Variants in RAB40C observed in about 807,000 individuals in gnomAD.
RAB40C encodes RAB40C, member RAS oncogene family.
RAB40C carries 8 observed loss-of-function variants against 28.1 expected under a neutral mutation model. That is an observed-to-expected ratio of 0.28 (90% CI 0.17 to 0.51). The LOEUF (loss-of-function observed/expected upper bound fraction) is 0.51, where lower values mean the gene tolerates loss of function less well. Ranked by LOEUF, RAB40C falls within the 20% of genes least tolerant of loss-of-function variation. The pLI is 0.97. For synonymous variants in RAB40C, 201 were observed against 171.7 expected, an observed-to-expected ratio of 1.17 and a Z score of -1.34; for missense variants, 288 against 405.9, an observed-to-expected ratio of 0.71 and a Z score of 2.50.
At chr16:625,194 A>C in intron 3 of RAB40C, 1 of 1,417,348 alleles carries the variant, frequency 7.1e-7, no homozygotes, top group Non-Finnish European at 9.3e-7. Context: ...GGGAAGCGGC[A>C]TTTCTGACAC....
chr16:610,222 C>T lies in RAB40C; in HGVS notation c.143-6986C>T, dbSNP rs954443963. ...GGTGTTCTGACCTCCCTGCCTCTGT[C>T]CCCTGAGGTCAGAGCGCCTGTCCTG... On this transcript the variant is annotated intron_variant, in intron 1 of 5. Coordinates refer to ENST00000248139, the MANE Select transcript of RAB40C (RefSeq NM_021168.5). The surrounding 1 kb of genome is among the most constrained non-coding windows in gnomAD (Gnocchi z 4.6). Among the ~76,000 whole-genome samples the T allele has an allele frequency of 6.6e-6, 1 of 152,158 alleles. No homozygotes were observed. The highest frequency in any genetic ancestry group is 2.4e-5 in the African/African-American group (1 of 41,440).
intron 1 of RAB40C, among the ~76,000 whole-genome samples, chr16:592,344 G>A (rs891703089): frequency 2.6e-5 from 4 of 152,214 alleles, no homozygotes; most frequent in Admixed American, 6.5e-5. Context: ...GAGGCTGAGC[G>A]CGCTTCCTCC....
At chr16:601,494 C>T (rs1036324101) in intron 1 of RAB40C, among the ~76,000 whole-genome samples, 13 of 152,152 alleles carry the variant, frequency 8.5e-5, no homozygotes, top group African/African-American at 2.6e-4. Context: ...TGCCAGACTC[C>T]GGGCAGGTCC....
intron 3 of RAB40C, among the ~76,000 whole-genome samples, chr16:621,459 CA>C (rs1397338636): frequency 6.6e-6 from 1 of 152,264 alleles, no homozygotes; most frequent in Non-Finnish European, 1.5e-5. Context: ...CTGGGTCTTG[CA>C]GATGGCACCA....
chr16:614,983 T>C (rs2036558417), intron 1 of RAB40C, among the ~76,000 whole-genome samples: 1 of 152,272 alleles, frequency 6.6e-6, no homozygotes, highest in Non-Finnish European at 1.5e-5. Context: ...CCTGCAGTCA[T>C]GGGCTGCTCA....
intron 1 of RAB40C, 155 bp from the exon 2 acceptor site, chr16:617,053 C>G (rs1165398172): frequency 6.4e-6 from 5 of 777,060 alleles, no homozygotes; most frequent in Non-Finnish European, 1.1e-5. Flanking sequence ...GCCAGAGCCC[C>G]GAGATTTCCC....
intron 1 of RAB40C, among the ~76,000 whole-genome samples, chr16:590,858 G>T (rs942324421): frequency 6.7e-6 from 1 of 148,634 alleles, no homozygotes; most frequent in Non-Finnish European, 1.5e-5. Flanking sequence ...GGGGGAAGGT[G>T]TCGTGGGCCG....
At chr16:598,829 C>T (rs915460297) in intron 1 of RAB40C, among the ~76,000 whole-genome samples, 4 of 152,160 alleles carry the variant, frequency 2.6e-5, no homozygotes, top group African/African-American at 4.8e-5. Context: ...GTACAGCGGC[C>T]GGATGTAAGA....
At chr16:602,828 C>T (rs1013843798) in intron 1 of RAB40C, among the ~76,000 whole-genome samples, 15 of 152,164 alleles carry the variant, frequency 9.9e-5, no homozygotes, top group African/African-American at 3.6e-4. Context: ...CCTTGGCCTC[C>T]CAAAGTGTCG....
chr16:591,084 G>C (rs948123366), intron 1 of RAB40C, among the ~76,000 whole-genome samples: 2 of 150,314 alleles, frequency 1.3e-5, no homozygotes, highest in African/African-American at 4.9e-5. Context: ...ATGGTCCTAA[G>C]GGAAGCTGTC....
chr16:627,282 T>C (rs2036857816), intron 5 of RAB40C, 60 bp from the exon 6 acceptor site: 4 of 1,522,710 alleles, frequency 2.6e-6, no homozygotes, highest in African/African-American at 1.4e-5. Flanking sequence ...ACCTCAGGTC[T>C]CCCTGCACAG....
chr16:614,034 T>C (rs1309539861), intron 1 of RAB40C, among the ~76,000 whole-genome samples: 3 of 152,306 alleles, frequency 2.0e-5, no homozygotes, highest in African/African-American at 4.8e-5. Flanking sequence ...TGCCTAACTC[T>C]ACCGCGTCCC....
Position 627,895 on chromosome 16 carries a change from C to T in RAB40C, c.*273C>T, listed in dbSNP as rs2036876043. On this transcript the variant is annotated 3_prime_UTR_variant, in exon 6 of 6. Coordinates refer to ENST00000248139, the MANE Select transcript of RAB40C (RefSeq NM_021168.5). Reference sequence around the variant, plus strand: ...TCCCCAGCTGCCTGGGCTTGACCGGCGGGGAGCCTGGTTGGCCTTTCTTAT... The same window carrying T: ...TCCCCAGCTGCCTGGGCTTGACCGGTGGGGAGCCTGGTTGGCCTTTCTTAT... 6 of 436,296 alleles carry T rather than the reference C, an allele frequency of 1.4e-5. No individual in the cohort carries two copies. The highest frequency in any genetic ancestry group is 3.5e-5 in the East Asian group (1 of 28,710). 27.0% of individuals were successfully genotyped at this position (436,296 alleles called of 1,614,324 possible). A position where few individuals can be genotyped will look rare whatever the true frequency, so the allele number is the denominator to read the frequency against.
In RAB40C at chr16:610,937, C is replaced by T. The variant is rs2036469819; in HGVS notation, c.143-6271C>T. Among the ~76,000 whole-genome samples the T allele has an allele frequency of 6.6e-6, 1 of 152,186 alleles. No individual in the cohort carries two copies. The highest frequency in any genetic ancestry group is 2.4e-5 in the African/African-American group (1 of 41,444). ...GCTGTGGCTTGCTGGGAACAAGACA[C>T]TCGGCTGACTGTGCTTAGAGAACAG... On this transcript the variant is annotated intron_variant, in intron 1 of 5. Transcript: ENST00000248139. The surrounding 1 kb of genome is among the most constrained non-coding windows in gnomAD (Gnocchi z 4.6).
chr16:621,245 G>A (rs11648607), intron 3 of RAB40C, among the ~76,000 whole-genome samples: 26,531 of 152,240 alleles, frequency 0.17, 2,523 homozygotes, highest in South Asian at 0.26. Context: ...CGGGAGCCCA[G>A]CCCTGTCCTG....
At chr16:607,385 C>T (rs909381643) in intron 1 of RAB40C, among the ~76,000 whole-genome samples, 1 of 151,872 alleles carries the variant, frequency 6.6e-6, no homozygotes, top group African/African-American at 2.4e-5. Context: ...TGCCTGTAAT[C>T]CCAGCTACTC....
Position 601,815 on chromosome 16 carries a change from T to TAAAAAAAAAAAAAAAAAAAAAAAAAAAA in RAB40C, c.142+11385_142+11412dup, listed in dbSNP as rs60094426. ...AAGGCCCTATCCCTGCAAAAAAAAG[T>TAAAAAAAAAAAAAAAAAAAAAAAAAAAA]AAAAAAAAAAAAAAAAAAAAAAAAA... is the stretch of plus-strand genomic sequence containing the variant. On this transcript the variant is annotated intron_variant, in intron 1 of 5. Coordinates refer to ENST00000248139, the MANE Select transcript of RAB40C (RefSeq NM_021168.5). Among the ~76,000 whole-genome samples, 4 of 27,200 alleles carry TAAAAAAAAAAAAAAAAAAAAAAAAAAAA rather than the reference T, an allele frequency of 1.5e-4. 1 individual carries two copies. Among genetic ancestry groups the TAAAAAAAAAAAAAAAAAAAAAAAAAAAA allele is most frequent in the Non-Finnish European group, 1.4e-4 (2 of 14,018 alleles). 17.8% of individuals were successfully genotyped at this position (27,200 alleles called of 152,430 possible).
intron 3 of RAB40C, chr16:624,502 C>T: frequency 1.0e-6 from 1 of 985,470 alleles, no homozygotes; most frequent in Non-Finnish European, 1.2e-6. Context: ...CAACCTTGTT[C>T]TAAACAGGAC....
At chr16:615,132 T>A (rs1234290984) in intron 1 of RAB40C, among the ~76,000 whole-genome samples, 1 of 152,228 alleles carries the variant, frequency 6.6e-6, no homozygotes, top group Non-Finnish European at 1.5e-5. Context: ...AGTCTAGAGA[T>A]CAGTCTCTAG....
Sources: gnomAD v4.1 joint callset for allele counts (sites outside exome capture counted in the v4.1 genomes callset) on GRCh38, gnomAD v4.1.1 for gene constraint, Gnocchi (gnomAD v3.1) non-coding constraint, MANE v1.5 for transcripts, NCBI Gene and HGNC (gene_info 2026-07-23, HGNC 2026-07-21) for gene names.